The following SCHIP1 variants were observed in gnomAD, a reference collection of about 807,000 sequenced individuals.
SCHIP1 encodes the protein schwannomin-interacting protein 1.
SCHIP1 carries 8 observed loss-of-function variants against 29.7 expected under a neutral mutation model. The ratio of observed to expected loss-of-function variants is 0.27; its 90% confidence interval spans 0.16 to 0.49. SCHIP1 has a LOEUF of 0.49. Among genes scored for constraint, SCHIP1 ranks in the 20% least tolerant of loss-of-function variants. The pLI is 0.99. For missense variants in SCHIP1, 193 were observed against 294.6 expected (o/e 0.66, Z 2.52); for synonymous variants, 76 against 94.9 (o/e 0.80, Z 1.16).
chr3:159,491,288 A>C, the SCHIP1 span, among the ~76,000 whole-genome samples: 4 of 152,328 alleles, frequency 2.6e-5, no homozygotes, highest in South Asian at 8.3e-4. Context: ...ACCATGCATG[A>C]GTCGAAGCAG....
In SCHIP1 at chr3:159,855,324, CT is replaced by C. The variant is rs1468398410; in HGVS notation, c.31-10833del. The stretch of plus-strand genomic sequence containing the variant: ...AGCTAGTGAAACAGGGCAACATACA[CT>C]TTTTTAAAAATATGAGGAATAAGAA... On this transcript the variant is annotated intron_variant, in intron 1 of 6. Transcript: ENST00000445224. Among the ~76,000 whole-genome samples the C allele has an allele frequency of 6.6e-5, 10 of 152,114 alleles. No individual in the cohort carries two copies. In the East Asian group the frequency reaches 1.7e-3, roughly 26 times the overall value.
At chr3:159,401,311 A>G in the SCHIP1 span, 1 of 930,884 alleles carries the variant, frequency 1.1e-6, no homozygotes. Context: ...AAATTTGAAA[A>G]TATACAAACT....
At chr3:159,411,982 A>G in the SCHIP1 span, among the ~76,000 whole-genome samples, 190 of 152,344 alleles carry the variant, frequency 1.2e-3, 3 homozygotes, top group South Asian at 0.031. Context: ...TAATGCAACT[A>G]TCAATATGTT....
At chr3:159,637,571 G>A in the SCHIP1 span, among the ~76,000 whole-genome samples, 17 of 152,110 alleles carry the variant, frequency 1.1e-4, no homozygotes, top group Admixed American at 9.8e-4. Context: ...ATGAAAACTC[G>A]GGAAATGCAT....
intron 3 of SCHIP1, 128 bp from the exon 5 acceptor site, chr3:159,887,580 C>A (rs1373424080): frequency 6.2e-6 from 6 of 960,366 alleles, no homozygotes; most frequent in Non-Finnish European, 9.5e-6. Flanking sequence ...ACTCAAGTAG[C>A]AAGTCACATT....
chr3:159,598,974 C>CT, the SCHIP1 span, among the ~76,000 whole-genome samples: 8 of 151,940 alleles, frequency 5.3e-5, no homozygotes, highest in East Asian at 5.8e-4. Flanking sequence ...ACATTCTTTG[C>CT]TTTTTTTTAC....
chr3:159,511,784 T>C, the SCHIP1 span, among the ~76,000 whole-genome samples: 1 of 152,194 alleles, frequency 6.6e-6, no homozygotes, highest in Non-Finnish European at 1.5e-5. Context: ...TTTAAGACTA[T>C]TGATTTTCTA....
the SCHIP1 span, chr3:159,722,272 G>A: frequency 8.3e-5 from 14 of 168,044 alleles, no homozygotes; most frequent in East Asian, 3.7e-4. Flanking sequence ...AGCCTGTTGC[G>A]CCTCTTCCTC....
At chr3:159,817,030 T>C in the SCHIP1 span, among the ~76,000 whole-genome samples, 2 of 152,190 alleles carry the variant, frequency 1.3e-5, no homozygotes, top group Non-Finnish European at 2.9e-5. Context: ...TAATTCTTTG[T>C]TTATGTGTCT....
chr3:159,564,803 T>C, the SCHIP1 span, among the ~76,000 whole-genome samples: 3 of 152,338 alleles, frequency 2.0e-5, no homozygotes, highest in East Asian at 5.8e-4. Context: ...CAGTACTTTG[T>C]TCATTTTTGT....
chr3:159,468,738 A>T, the SCHIP1 span, among the ~76,000 whole-genome samples: 5,473 of 131,338 alleles, frequency 0.042, 153 homozygotes, highest in South Asian at 0.067. Context: ...ATATAATATA[A>T]TATATAATAT....
At chr3:159,552,513 C>T in the SCHIP1 span, among the ~76,000 whole-genome samples, 2 of 152,164 alleles carry the variant, frequency 1.3e-5, no homozygotes, top group African/African-American at 4.8e-5. Context: ...CCATGTTCAA[C>T]TGCAGTACAT....
the SCHIP1 span, among the ~76,000 whole-genome samples, chr3:159,757,204 G>T: frequency 6.6e-6 from 1 of 152,194 alleles, no homozygotes; most frequent in African/African-American, 2.4e-5. Context: ...ATTTACAAAA[G>T]AAAGAGGTTT....
At chr3:159,720,625 C>T in the SCHIP1 span, among the ~76,000 whole-genome samples, 3 of 152,046 alleles carry the variant, frequency 2.0e-5, no homozygotes, top group South Asian at 6.2e-4. Context: ...TACTCTGCCA[C>T]CCAGGCTGGA....
the SCHIP1 span, among the ~76,000 whole-genome samples, chr3:159,376,453 C>T: frequency 6.6e-6 from 1 of 152,192 alleles, no homozygotes; most frequent in Admixed American, 6.5e-5. Flanking sequence ...AAAACTTCAA[C>T]TTTACCCTTC....
chr3:159,841,328 A>C (rs1218846317), intron 1 of SCHIP1, among the ~76,000 whole-genome samples: 1 of 152,126 alleles, frequency 6.6e-6, no homozygotes, highest in Admixed American at 6.5e-5. Flanking sequence ...ATTTCATAGT[A>C]TTTTCATTTT....
chr3:159,302,630 G>T, the SCHIP1 span, among the ~76,000 whole-genome samples: 2 of 152,188 alleles, frequency 1.3e-5, no homozygotes, highest in Non-Finnish European at 2.9e-5. Flanking sequence ...TATGAAAGTA[G>T]GTTTGTAGAT....
the SCHIP1 span, among the ~76,000 whole-genome samples, chr3:159,438,465 C>T: frequency 6.6e-6 from 1 of 152,140 alleles, no homozygotes; most frequent in Non-Finnish European, 1.5e-5. Context: ...GGGTTCTGCT[C>T]CTCTTCTGCA....
At chr3:159,320,978 T>C in the SCHIP1 span, among the ~76,000 whole-genome samples, 5 of 152,184 alleles carry the variant, frequency 3.3e-5, no homozygotes, top group African/African-American at 4.8e-5. Context: ...TATTTTACTT[T>C]TTTTGAGACA....
Sources: allele counts gnomAD v4.1 joint callset (sites outside exome capture counted in the v4.1 genomes callset), GRCh38; gene constraint gnomAD v4.1.1; transcripts MANE v1.5; gene names NCBI Gene and HGNC (gene_info 2026-07-23, HGNC 2026-07-21).